ASAP2: variants seen among roughly 807,000 people sequenced by gnomAD.
ASAP2 encodes ArfGAP with SH3 domain, ankyrin repeat and PH domain 2, also known as arf-GAP with SH3 domain, ANK repeat and PH domain-containing protein 2.
A neutral mutation model predicts 131.4 loss-of-function variants in ASAP2; 45 were observed. That is an observed-to-expected ratio of 0.34 (90% CI 0.27 to 0.44). The LOEUF is 0.44. Among genes scored for constraint, ASAP2 ranks in the 20% least tolerant of loss-of-function variants. The pLI is 1.00. For synonymous variants in ASAP2, 510 were observed against 503.0 expected (o/e 1.01, Z -0.19); for missense variants, 1,011 against 1,297.0 (o/e 0.78, Z 3.39).
At chr2:9,241,954 C>G (rs1194587567) in intron 1 of ASAP2, among the ~76,000 whole-genome samples, 1 of 151,528 alleles carries the variant, frequency 6.6e-6, no homozygotes, top group African/African-American at 2.4e-5. Flanking sequence ...ACTTTGTTAT[C>G]AGGCGGACAC....
intron 24 of ASAP2, among the ~76,000 whole-genome samples, chr2:9,395,593 T>TC (rs1676063386): frequency 7.9e-6 from 1 of 127,246 alleles, no homozygotes; most frequent in Admixed American, 7.7e-5. Flanking sequence ...GTGTTTTTTT[T>TC]CTTTTTTTTT....
chr2:9,257,771 G>A lies in ASAP2; in HGVS notation c.127-21546G>A, dbSNP rs182895497. On this transcript the variant is annotated intron_variant, in intron 1 of 27. Transcript: ENST00000281419. ...CCTTGTGACCTCAAGTGATCCGCCC[G>A]CCTCGGCCTCCCAAAGTGCTGGGAT... 1.4e-3 allele frequency among the ~76,000 whole-genome samples: 206 copies of A among 152,242 alleles called. 1 individual carries two copies. The highest frequency in any genetic ancestry group is 3.5e-3 in the African/African-American group (145 of 41,536).
chr2:9,297,498 T>C, intron 3 of ASAP2, 53 bp downstream of exon 3: 4 of 1,601,616 alleles, frequency 2.5e-6, no homozygotes, highest in Non-Finnish European at 3.4e-6. Context: ...GGAAAGTGGC[T>C]CAGTAGAGGA....
chr2:9,358,060 C>T (rs111962980), intron 14 of ASAP2, among the ~76,000 whole-genome samples: 2,577 of 152,200 alleles, frequency 0.017, 70 homozygotes, highest in African/African-American at 0.059. Context: ...GAGGGGAAAA[C>T]GTGGCTTTGA....
intron 1 of ASAP2, among the ~76,000 whole-genome samples, chr2:9,263,185 G>T (rs1158401174): frequency 6.6e-6 from 1 of 152,218 alleles, no homozygotes; most frequent in Non-Finnish European, 1.5e-5. Context: ...GCACCTTCTG[G>T]TGTCATGTCC....
At chr2:9,216,453 ATTTTTT>A (rs999787414) in intron 1 of ASAP2, among the ~76,000 whole-genome samples, 5 of 85,426 alleles carry the variant, frequency 5.9e-5, no homozygotes, top group East Asian at 3.3e-4. Flanking sequence ...TGCCTGTTTA[ATTTTTT>A]TTTTTTTTTT....
intron 3 of ASAP2, among the ~76,000 whole-genome samples, chr2:9,301,821 T>A: frequency 2.1e-5 from 1 of 47,088 alleles, no homozygotes; most frequent in East Asian, 3.2e-4. Context: ...ATCCATCATC[T>A]TTTTTTTTTT....
chr2:9,219,260 C>T (rs889523783), intron 1 of ASAP2, among the ~76,000 whole-genome samples: 1 of 152,188 alleles, frequency 6.6e-6, no homozygotes, highest in African/African-American at 2.4e-5. Context: ...AAGATGTGCT[C>T]TCTAGTGTGA....
At chr2:9,368,607 G>A in intron 16 of ASAP2, 88 bp downstream of exon 16, 1 of 1,120,500 alleles carries the variant, frequency 8.9e-7, no homozygotes, top group Non-Finnish European at 1.3e-6. Flanking sequence ...GAAGTTTTGG[G>A]TGCATCCATC....
intron 1 of ASAP2, among the ~76,000 whole-genome samples, chr2:9,218,886 C>G (rs1662232851): frequency 1.3e-5 from 2 of 152,184 alleles, no homozygotes; most frequent in South Asian, 4.1e-4. Context: ...TTACCTCTTT[C>G]ATCCCCTTCT....
chr2:9,352,162 C>T (rs148352148), intron 12 of ASAP2, among the ~76,000 whole-genome samples: 82 of 152,130 alleles, frequency 5.4e-4, no homozygotes, highest in South Asian at 1.7e-3. Flanking sequence ...CAGGAGTAGA[C>T]GTCCAGCCTT....
At chr2:9,221,405 T>C (rs1662411782) in intron 1 of ASAP2, among the ~76,000 whole-genome samples, 1 of 150,846 alleles carries the variant, frequency 6.6e-6, no homozygotes, top group Non-Finnish European at 1.5e-5. Flanking sequence ...CACTGCAACA[T>C]TGGCCTCCCA....
chr2:9,368,543 C>G (rs768779263), intron 16 of ASAP2, 24 bp downstream of exon 16: 20 of 1,603,364 alleles, frequency 1.2e-5, no homozygotes, highest in Non-Finnish European at 1.6e-5. Flanking sequence ...TGGCTATTCT[C>G]ATTTGCTGAG....
At chr2:9,377,870 T>C (rs1314720852) in intron 18 of ASAP2, among the ~76,000 whole-genome samples, 2 of 152,184 alleles carry the variant, frequency 1.3e-5, no homozygotes, top group Non-Finnish European at 2.9e-5. Context: ...CTGAGTTCAC[T>C]GGACTCGTGG....
At chr2:9,365,386 T>C (rs1673392330) in intron 15 of ASAP2, among the ~76,000 whole-genome samples, 1 of 152,158 alleles carries the variant, frequency 6.6e-6, no homozygotes, top group African/African-American at 2.4e-5. Flanking sequence ...GTCTGGTTTC[T>C]CTCACTTGCC....
At chr2:9,317,018 CACA>C (rs1342164923) in intron 3 of ASAP2, among the ~76,000 whole-genome samples, 3 of 139,238 alleles carry the variant, frequency 2.2e-5, no homozygotes, top group Non-Finnish European at 4.9e-5. Context: ...ACCACACTCA[CACA>C]ACATGCAATC....
At chr2:9,370,210 G>A (rs952060196) in intron 16 of ASAP2, among the ~76,000 whole-genome samples, 2 of 152,120 alleles carry the variant, frequency 1.3e-5, no homozygotes, top group Non-Finnish European at 2.9e-5. Flanking sequence ...TTCTTTCTGC[G>A]TTTTGCTGAT....
rs1004903247 is a variant in ASAP2 at position 9,207,563 on chromosome 2, C to T, written c.126+333C>T. On this transcript the variant is annotated intron_variant, in intron 1 of 27. Transcript: ENST00000281419. The surrounding 1 kb of genome is among the most constrained non-coding windows in gnomAD (Gnocchi z 4.1). ...GGATCCCGCTGCCCGCCGCCGCCCG[C>T]CGCCGCCCGGGGTCTTTGGTACCCG... 2.0e-5 allele frequency among the ~76,000 whole-genome samples: 3 copies of T among 152,136 alleles called. No homozygotes were observed. The highest frequency in any genetic ancestry group is 7.2e-5 in the African/African-American group (3 of 41,446).
intron 3 of ASAP2, among the ~76,000 whole-genome samples, chr2:9,303,709 GA>G (rs531965636): frequency 2.6e-5 from 4 of 152,196 alleles, no homozygotes; most frequent in Non-Finnish European, 5.9e-5. Context: ...TTGTTTGATC[GA>G]GACAATGAAC....
Sources: allele counts gnomAD v4.1 joint callset (sites outside exome capture counted in the v4.1 genomes callset), GRCh38; gene constraint gnomAD v4.1.1; non-coding constraint Gnocchi (gnomAD v3.1); transcripts MANE v1.5; gene names NCBI Gene and HGNC (gene_info 2026-07-23, HGNC 2026-07-21).